The following SH3BP4 variants were observed in gnomAD, a reference collection of about 807,000 sequenced individuals.
The protein encoded by SH3BP4 is SH3 domain-binding protein 4.
In SH3BP4, 33 loss-of-function variants were observed where a neutral mutation model predicts 65.5. The observed-to-expected ratio is 0.50, with a 90% CI of 0.38 to 0.67. SH3BP4 has a LOEUF of 0.67. Among genes scored for constraint, SH3BP4 ranks in the 30% least tolerant of loss-of-function variants. The probability of loss-of-function intolerance (pLI) is 0.00; values close to 1 mark genes in which losing one functional copy is unlikely to be tolerated. For synonymous variants in SH3BP4, 552 were observed against 545.5 expected (o/e 1.01, Z -0.17); for missense variants, 1,134 against 1,261.4 (o/e 0.90, Z 1.53).
chr2:234,984,948 T>C (rs73124246), intron 1 of SH3BP4, among the ~76,000 whole-genome samples: 1,770 of 152,288 alleles, frequency 0.012, 42 homozygotes, highest in African/African-American at 0.037. Context: ...GGCTCCATCA[T>C]GCTGGAGACG....
Position 235,041,530 on chromosome 2 carries a change from A to C in SH3BP4, c.761A>C (p.Gln254Pro), listed in dbSNP as rs751702971. Residue 254 changes from glutamine (Q) to proline (P), a missense_variant, in exon 4 of 6, where the codon CAA (glutamine) becomes CCA (proline). Gln to Pro is a moderately conservative substitution (Grantham distance 76). Transcript: ENST00000392011. The surrounding 1 kb of genome is among the most constrained non-coding windows in gnomAD (Gnocchi z 6.0). ...SYSLSELSVL[Q>P]AKSDAPTSSS... ...AGTCTCTCGGAACTCTCCGTCCTCC[A>C]AGCCAAGTCCGATGCTCCCACATCG... The C allele has an allele frequency of 1.2e-6, 2 of 1,614,136 alleles. No individual in the cohort carries two copies. The highest frequency in any genetic ancestry group is 1.7e-6 in the Non-Finnish European group (2 of 1,180,030).
intron 2 of SH3BP4, among the ~76,000 whole-genome samples, chr2:235,020,024 A>G (rs1463466461): frequency 6.6e-6 from 1 of 152,200 alleles, no homozygotes; most frequent in Non-Finnish European, 1.5e-5. Context: ...CCCCCGAGGG[A>G]GAGCCACCGA....
chr2:235,025,553 G>GC (rs914647432), intron 2 of SH3BP4, among the ~76,000 whole-genome samples: 35 of 152,356 alleles, frequency 2.3e-4, no homozygotes, highest in South Asian at 6.2e-4. Flanking sequence ...AGCTTCGGAG[G>GC]CCCCCGCAGT....
intron 2 of SH3BP4, among the ~76,000 whole-genome samples, chr2:235,017,344 G>C (rs1694719352): frequency 6.6e-6 from 1 of 151,428 alleles, no homozygotes; most frequent in African/African-American, 2.4e-5. Context: ...CTACTTGGGA[G>C]GCTGAGCCAG....
At chr2:235,029,609 A>G (rs1048681500) in intron 2 of SH3BP4, among the ~76,000 whole-genome samples, 1 of 152,158 alleles carries the variant, frequency 6.6e-6, no homozygotes, top group Non-Finnish European at 1.5e-5. Flanking sequence ...ATGTTTCCTA[A>G]TATTTTCTAA....
rs541366624 is a variant in SH3BP4 at position 235,043,376 on chromosome 2, G to A, written c.2478+129G>A. 201 of 616,754 alleles carry A rather than the reference G, an allele frequency of 3.3e-4. 1 individual carries two copies. Among genetic ancestry groups the A allele is most frequent in the African/African-American group, 2.5e-3 (137 of 54,672 alleles). The allele number at this position is 616,754 out of a possible 1,614,324, so 38.2% of individuals were successfully genotyped here. A position where few individuals can be genotyped will look rare whatever the true frequency, so the allele number is the denominator to read the frequency against. On this transcript the variant is annotated intron_variant, in intron 4 of 5. Coordinates refer to ENST00000392011, the MANE Select transcript of SH3BP4 (RefSeq NM_014521.3). Reference sequence around the variant, plus strand: ...GGACAGTGTCTGTGGCTGATGTCCCGCTGCCTGAGATAGGTGCGGCTCAGC... The same window carrying A: ...GGACAGTGTCTGTGGCTGATGTCCCACTGCCTGAGATAGGTGCGGCTCAGC...
chr2:235,042,620 C>T lies in SH3BP4; in HGVS notation c.1851C>T (p.Ile617=), dbSNP rs967791605. ...QTPQPPPKSA[I]KPSGQRRFLK... Reference sequence around the variant, plus strand: ...CTCAGCCACCCCCTAAAAGTGCCATCAAGCCTTCCGGGCAAAGGAGGTTTC... The same window carrying T: ...CTCAGCCACCCCCTAAAAGTGCCATTAAGCCTTCCGGGCAAAGGAGGTTTC... The change falls in exon 4 of 6, where the codon ATC becomes ATT. Residue 617 remains isoleucine (I), a synonymous_variant. Transcript: ENST00000392011. This position sits in a 1 kb window ranked among gnomAD's most constrained non-coding sequence, Gnocchi z 7.3. 3.7e-6 allele frequency: 6 copies of T among 1,614,030 alleles called. No individual in the cohort carries two copies. The African/African-American group carries it at 8.0e-5, about 22-fold the overall frequency.
Position 235,052,660 on chromosome 2 carries a change from G to A in SH3BP4, c.2577G>A (p.Glu859=), listed in dbSNP as rs183600280. Residue 859 remains glutamate, a synonymous_variant, in exon 5 of 6, where the codon GAG becomes GAA. Transcript: ENST00000392011. This position sits in a 1 kb window ranked among gnomAD's most constrained non-coding sequence, Gnocchi z 5.0. ...TAGAGGTGGCCCAGCGCTGGCGGGAGCTGGCTGAGAAGCTGGCCAAGGTCT... is the reference window on the plus strand; with the variant it reads ...TAGAGGTGGCCCAGCGCTGGCGGGAACTGGCTGAGAAGCTGGCCAAGGTCT... ...TAVEVAQRWR[E]LAEKLAKVSK... 1.9e-6 allele frequency: 3 copies of A among 1,594,188 alleles called. No individual in the cohort carries two copies. The highest frequency in any genetic ancestry group is 2.7e-5 in the African/African-American group (2 of 74,508).
In SH3BP4 at chr2:235,035,654, GAC is replaced by G. The variant is rs1232775639; in HGVS notation, c.118+536_118+537del. On this transcript the variant is annotated intron_variant, in intron 3 of 5. Coordinates refer to ENST00000392011, the MANE Select transcript of SH3BP4 (RefSeq NM_014521.3). This position sits in a 1 kb window ranked among gnomAD's most constrained non-coding sequence, Gnocchi z 5.0. Reference sequence around the variant, plus strand: ...TTTCCAAGACAACTTTTTTTTTGCAGACAGCCCCATTTGGCCCCAGGGCCGTG... The same window carrying G: ...TTTCCAAGACAACTTTTTTTTTGCAGAGCCCCATTTGGCCCCAGGGCCGTG... Among the ~76,000 whole-genome samples, 2 of 151,898 alleles carry G rather than the reference GAC, an allele frequency of 1.3e-5. No individual in the cohort carries two copies. The highest frequency in any genetic ancestry group is 2.9e-5 in the Non-Finnish European group (2 of 67,978).
rs1025594234 is a variant in SH3BP4 at position 235,026,349 on chromosome 2, C to T, written c.-132-8522C>T. On this transcript the variant is annotated intron_variant, in intron 2 of 5. Transcript: ENST00000392011. The surrounding 1 kb of genome is among the most constrained non-coding windows in gnomAD (Gnocchi z 4.6). ...CAATAAAAACTGAGCAAGCAAGGAA[C>T]ACCTAGTGACGACTCATGGCCCTTG... Among the ~76,000 whole-genome samples the T allele has an allele frequency of 1.3e-5, 2 of 152,174 alleles. No individual in the cohort carries two copies. The highest frequency in any genetic ancestry group is 4.8e-5 in the African/African-American group (2 of 41,442).
chr2:235,049,641 AT>A (rs778008596), intron 4 of SH3BP4, among the ~76,000 whole-genome samples: 242 of 152,356 alleles, frequency 1.6e-3, no homozygotes, highest in Admixed American at 5.5e-3. Context: ...TCAACATTTA[AT>A]TTTTTAAAAC....
chr2:235,046,768 T>C lies in SH3BP4; in HGVS notation c.2478+3521T>C, dbSNP rs933985047. On this transcript the variant is annotated intron_variant, in intron 4 of 5. Coordinates refer to ENST00000392011, the MANE Select transcript of SH3BP4 (RefSeq NM_014521.3). The surrounding 1 kb of genome is among the most constrained non-coding windows in gnomAD (Gnocchi z 4.2). ...AATGAATGATGAATGAATGAATGAA[T>C]GAATGCAGGCCTTGGGCTGGGCTAA... Among the ~76,000 whole-genome samples, 2 of 152,102 alleles carry C rather than the reference T, an allele frequency of 1.3e-5. No individual in the cohort carries two copies. The highest frequency in any genetic ancestry group is 4.8e-5 in the African/African-American group (2 of 41,392).
rs1695349517 is a variant in SH3BP4 at position 235,035,468 on chromosome 2, G to C, written c.118+348G>C. 6.6e-6 allele frequency among the ~76,000 whole-genome samples: 1 copy of C among 152,288 alleles called. No homozygotes were observed. Among genetic ancestry groups the C allele is most frequent in the South Asian group, 2.1e-4 (1 of 4,822 alleles). ...TTGAGAACCACTAGAGAAGAAAAAA[G>C]GTAGCTTCGGGGAGAGGTCAGCAAA... On this transcript the variant is annotated intron_variant, in intron 3 of 5. Coordinates refer to ENST00000392011, the MANE Select transcript of SH3BP4 (RefSeq NM_014521.3). This position sits in a 1 kb window ranked among gnomAD's most constrained non-coding sequence, Gnocchi z 5.0.
chr2:234,958,135 G>C (rs1692630036), intron 1 of SH3BP4, among the ~76,000 whole-genome samples: 1 of 152,022 alleles, frequency 6.6e-6, no homozygotes, highest in African/African-American at 2.4e-5. Flanking sequence ...AAGCAGAGGG[G>C]CTTACTGGGA....
intron 1 of SH3BP4, among the ~76,000 whole-genome samples, chr2:234,958,068 C>CA (rs113974061): frequency 1.7e-3 from 254 of 152,072 alleles, no homozygotes; most frequent in African/African-American, 5.8e-3. Context: ...GTCAGGGGGT[C>CA]AGGATGAAGC....
At position 234,997,119 on chromosome 2, in the gene SH3BP4, G is replaced by A. The variant is rs898459093; in HGVS notation, c.-133+1743G>A. Among the ~76,000 whole-genome samples the A allele has an allele frequency of 1.4e-4, 21 of 152,240 alleles. No individual in the cohort carries two copies. The highest frequency in any genetic ancestry group is 4.1e-4 in the African/African-American group (17 of 41,466). ...TTGCCCTGGATACAGCGGGCAGAGC[G>A]TTGCATGTGCCTCTGGGTGGGGTGT... On this transcript the variant is annotated intron_variant, in intron 2 of 5. Coordinates refer to ENST00000392011, the MANE Select transcript of SH3BP4 (RefSeq NM_014521.3). This position sits in a 1 kb window ranked among gnomAD's most constrained non-coding sequence, Gnocchi z 4.2.
At chr2:235,007,758 G>A (rs1201219470) in intron 2 of SH3BP4, among the ~76,000 whole-genome samples, 3 of 152,168 alleles carry the variant, frequency 2.0e-5, no homozygotes, top group African/African-American at 7.2e-5. Flanking sequence ...CGGCCATCCT[G>A]AGCCCGTGGG....
chr2:234,959,246 T>C (rs751354544), intron 1 of SH3BP4, among the ~76,000 whole-genome samples: 2 of 152,204 alleles, frequency 1.3e-5, no homozygotes, highest in Non-Finnish European at 2.9e-5. Flanking sequence ...GCCTGTGTCC[T>C]AGCTTTCTTA....
chr2:235,006,158 C>T (rs868017809), intron 2 of SH3BP4, among the ~76,000 whole-genome samples: 1 of 152,120 alleles, frequency 6.6e-6, no homozygotes. Context: ...ACGGCTTTTA[C>T]GACCTAGCGA....
Sources: gnomAD v4.1 joint callset for allele counts (sites outside exome capture counted in the v4.1 genomes callset) on GRCh38, gnomAD v4.1.1 for gene constraint, Gnocchi (gnomAD v3.1) non-coding constraint, MANE v1.5 for transcripts, NCBI Gene and HGNC (gene_info 2026-07-23, HGNC 2026-07-21) for gene names.